The following NDRG3 variants were observed in gnomAD, a reference collection of about 807,000 sequenced individuals.
NDRG3 encodes the protein protein NDRG3.
A neutral mutation model predicts 57.2 loss-of-function variants in NDRG3; 23 were observed. The ratio of observed to expected loss-of-function variants is 0.40; its 90% CI spans 0.29 to 0.57. The LOEUF (loss-of-function observed/expected upper bound fraction) is 0.57. NDRG3 is among the 20% of genes least tolerant of loss of function. The pLI is 0.42. For synonymous variants in NDRG3, 132 were observed against 162.6 expected (o/e 0.81, Z 1.43); for missense variants, 384 against 457.3 (o/e 0.84, Z 1.46).
intron 2 of NDRG3, among the ~76,000 whole-genome samples, chr20:36,712,031 G>A (rs1259468858): frequency 1.3e-5 from 2 of 152,046 alleles, no homozygotes; most frequent in Non-Finnish European, 2.9e-5. Context: ...TGCCCACCTC[G>A]GTCTCCAAAG....
chr20:36,677,620 A>AG (rs1026031718), intron 8 of NDRG3, among the ~76,000 whole-genome samples: 1 of 152,224 alleles, frequency 6.6e-6, no homozygotes, highest in Non-Finnish European at 1.5e-5. Context: ...CTCTCTGCTG[A>AG]GAGCTTCAGA....
intron 2 of NDRG3, among the ~76,000 whole-genome samples, chr20:36,718,279 G>C (rs1022273692): frequency 1.3e-5 from 2 of 152,200 alleles, no homozygotes; most frequent in African/African-American, 4.8e-5. Flanking sequence ...TCTAAAGAGG[G>C]CCTCTTGCCT....
chr20:36,680,385 G>T (rs993018002), intron 8 of NDRG3, among the ~76,000 whole-genome samples: 1 of 151,654 alleles, frequency 6.6e-6, no homozygotes, highest in East Asian at 2.0e-4. Context: ...CACTCGGGAG[G>T]CTGAGGCAGA....
At chr20:36,719,425 CAAAAAAA>C (rs542067369) in intron 2 of NDRG3, among the ~76,000 whole-genome samples, 2 of 71,222 alleles carry the variant, frequency 2.8e-5, no homozygotes, top group African/African-American at 1.1e-4. Flanking sequence ...GACTCCGTTT[CAAAAAAA>C]AAAAAAAAAA....
At chr20:36,673,269 G>A (rs1194425654) in intron 8 of NDRG3, among the ~76,000 whole-genome samples, 1 of 152,040 alleles carries the variant, frequency 6.6e-6, no homozygotes, top group Non-Finnish European at 1.5e-5. Context: ...TCTCCAAAAT[G>A]TAAACATAGG....
intron 2 of NDRG3, among the ~76,000 whole-genome samples, chr20:36,713,865 G>C (rs1014515110): frequency 1.3e-5 from 2 of 152,092 alleles, no homozygotes; most frequent in African/African-American, 4.8e-5. Context: ...ATGAGTTGGT[G>C]CAATAGTAAA....
At chr20:36,743,802 A>G (rs1393630026) in intron 1 of NDRG3, among the ~76,000 whole-genome samples, 1 of 151,322 alleles carries the variant, frequency 6.6e-6, no homozygotes, top group Non-Finnish European at 1.5e-5. Flanking sequence ...TGGGCAACAG[A>G]GCGAGACTCC....
chr20:36,661,606 T>G (rs186841872), intron 12 of NDRG3, among the ~76,000 whole-genome samples: 1 of 152,224 alleles, frequency 6.6e-6, no homozygotes, highest in Admixed American at 6.5e-5. Flanking sequence ...GGCGAAAGCA[T>G]AAGCAAAGCC....
At chr20:36,660,133 G>A (rs868445460) in intron 13 of NDRG3, among the ~76,000 whole-genome samples, 65 of 151,878 alleles carry the variant, frequency 4.3e-4, no homozygotes, top group African/African-American at 1.5e-3. Context: ...GCTTGAACCC[G>A]AGAGGTGGAG....
intron 1 of NDRG3, among the ~76,000 whole-genome samples, chr20:36,723,929 A>T (rs573307883): frequency 4.0e-5 from 6 of 149,560 alleles, no homozygotes; most frequent in Non-Finnish European, 7.4e-5. Context: ...CTGGTCTTGA[A>T]CTCCTGCCTT....
At chr20:36,715,259 C>T (rs1350749521) in intron 2 of NDRG3, among the ~76,000 whole-genome samples, 1 of 151,072 alleles carries the variant, frequency 6.6e-6, no homozygotes, top group Non-Finnish European at 1.5e-5. Context: ...GGATCTCTTG[C>T]CTCCTGTAAC....
intron 3 of NDRG3, among the ~76,000 whole-genome samples, chr20:36,700,948 A>G (rs1983184643): frequency 6.6e-6 from 1 of 151,742 alleles, no homozygotes; most frequent in South Asian, 2.1e-4. Flanking sequence ...TAATTTTTAA[A>G]TTTTTTGCAG....
At chr20:36,664,004 T>C (rs1600858692) in intron 12 of NDRG3, among the ~76,000 whole-genome samples, 1 of 152,114 alleles carries the variant, frequency 6.6e-6, no homozygotes, top group Non-Finnish European at 1.5e-5. Context: ...GGTTTCACCA[T>C]GTTGGCCAGG....
chr20:36,671,337 T>A lies in NDRG3; in HGVS notation c.588+4A>T. The A allele has an allele frequency of 1.2e-6, 2 of 1,612,710 alleles. No individual in the cohort carries two copies. The highest frequency in any genetic ancestry group is 1.7e-6 in the Non-Finnish European group (2 of 1,178,850). On this transcript the variant is annotated splice_donor_region_variant and intron_variant, in intron 9 of 15. Coordinates refer to ENST00000349004, the MANE Select transcript of NDRG3 (RefSeq NM_032013.4). The stretch of plus-strand genomic sequence containing the variant: ...CAGCTCTTCTGGGTGGAACAGGTAC[T>A]TACCTGCCCAAAGTGATGAGCCAAA...
At chr20:36,660,174 C>G (rs978393323) in intron 13 of NDRG3, among the ~76,000 whole-genome samples, 163 bp downstream of exon 13, 5 of 151,916 alleles carry the variant, frequency 3.3e-5, no homozygotes, top group Non-Finnish European at 5.9e-5. Context: ...CGCCACTGCA[C>G]TCCAGCCAGG....
rs146180913 is a variant in NDRG3 at position 36,654,179 on chromosome 20, T to C, written c.947-478A>G. ...GCTACCTTGCTACCAGGGAGGAGATTTGTAGGATGGTGCAGGTGAAGGGGA... is the reference window on the plus strand; with the variant it reads ...GCTACCTTGCTACCAGGGAGGAGATCTGTAGGATGGTGCAGGTGAAGGGGA... On this transcript the variant is annotated intron_variant, in intron 15 of 15. Transcript: ENST00000349004. 4.8e-3 allele frequency among the ~76,000 whole-genome samples: 736 copies of C among 152,084 alleles called. 2 individuals carry two copies. Among genetic ancestry groups the C allele is most frequent in the Non-Finnish European group, 7.8e-3 (529 of 67,970 alleles).
At chr20:36,693,954 C>T (rs1982557877) in intron 3 of NDRG3, among the ~76,000 whole-genome samples, 1 of 151,990 alleles carries the variant, frequency 6.6e-6, no homozygotes, top group Non-Finnish European at 1.5e-5. Context: ...TCCACAAAAC[C>T]GATCACTGGT....
At chr20:36,715,509 G>GTTT (rs376599701) in intron 2 of NDRG3, among the ~76,000 whole-genome samples, 1 of 140,862 alleles carries the variant, frequency 7.1e-6, no homozygotes. Context: ...CTCCCCCTAG[G>GTTT]TTTTTTTTTT....
Position 36,706,997 on chromosome 20 carries a change from C to G in NDRG3, c.68G>C (p.Arg23Thr), listed in dbSNP as rs376855072. The change falls in exon 3 of 16, where the codon AGA (arginine) becomes ACA (threonine). Residue 23 changes from arginine (R) to threonine (T), a missense_variant. Coordinates refer to ENST00000349004, the MANE Select transcript of NDRG3 (RefSeq NM_032013.4). ...KPLLNDKNGTRNFQDFDCQEH... is the reference protein window; with the variant it reads ...KPLLNDKNGTTNFQDFDCQEH... The stretch of plus-strand genomic sequence containing the variant: ...CTGACAGTCAAAGTCCTGGAAGTTT[C>G]TTGTACCATTCTGTCAACAGAAGAC... 87 of 1,613,538 alleles carry G rather than the reference C, an allele frequency of 5.4e-5. No individual in the cohort carries two copies. The highest frequency in any genetic ancestry group is 7.1e-5 in the Non-Finnish European group (84 of 1,179,652).
Sources: gnomAD v4.1 joint callset for allele counts (sites outside exome capture counted in the v4.1 genomes callset) on GRCh38, gnomAD v4.1.1 for gene constraint, MANE v1.5 for transcripts, NCBI Gene and HGNC (gene_info 2026-07-23, HGNC 2026-07-21) for gene names.